SETX: variants seen among roughly 807,000 people sequenced by gnomAD.
SETX encodes helicase senataxin.
SETX carries 90 observed loss-of-function variants against 227.2 expected under a neutral mutation model. The observed-to-expected ratio is 0.40, with a 90% confidence interval of 0.33 to 0.47. The LOEUF is 0.47. Among genes scored for constraint, SETX ranks in the 20% least tolerant of loss-of-function variants. SETX has a pLI of 0.91. For missense variants in SETX, 3,052 were observed against 3,181.5 expected (o/e 0.96, Z 0.98); for synonymous variants, 1,210 against 1,113.2 (o/e 1.09, Z -1.73).
intron 3 of SETX, among the ~76,000 whole-genome samples, chr9:132,346,897 G>T (rs1184354281): frequency 6.6e-6 from 1 of 152,100 alleles, no homozygotes; most frequent in East Asian, 1.9e-4. Flanking sequence ...TGAAGCTACA[G>T]TGAGCTATGA....
chr9:132,274,598 C>T (rs1464297757), intron 23 of SETX, among the ~76,000 whole-genome samples: 1 of 151,756 alleles, frequency 6.6e-6, no homozygotes, highest in Non-Finnish European at 1.5e-5. Flanking sequence ...CGCGCCACCA[C>T]GCCTGGCTAA....
rs548433078 is a variant in SETX, at chr9:132,329,928, C to T, written c.1670G>A (p.Arg557Gln). 7.4e-6 allele frequency: 12 copies of T among 1,614,164 alleles called. No individual in the cohort carries two copies. Among genetic ancestry groups the T allele is most frequent in the East Asian group, 6.7e-5 (3 of 44,894 alleles). The part of the protein sequence containing the change: ...YQLGQQSLCK[R>Q]FWDKLNLFLR... ...GAATAAGTTGAGCTTATCCCAGAAT[C>T]GCTTGCAAAGAGACTGCTGCCCAAG... The change falls in exon 10 of 26, where the codon CGA becomes CAA. Residue 557 changes from arginine to glutamine, a missense_variant. Arg to Gln is a conservative substitution (Grantham distance 43). Coordinates refer to ENST00000224140, the MANE Select transcript of SETX (RefSeq NM_015046.7).
chr9:132,308,766 A>G (rs750219542), intron 11 of SETX, among the ~76,000 whole-genome samples: 1 of 152,226 alleles, frequency 6.6e-6, no homozygotes, highest in East Asian at 1.9e-4. Flanking sequence ...AAAGTTGTCA[A>G]TTCTTCCCAA....
intron 2 of SETX, 103 bp from the exon 3 acceptor site, chr9:132,349,538 A>C (rs1848497113): frequency 4.1e-6 from 5 of 1,218,366 alleles, no homozygotes; most frequent in Non-Finnish European, 4.7e-6. Flanking sequence ...TCAATTTAAA[A>C]TGTGTCACTA....
intron 17 of SETX, among the ~76,000 whole-genome samples, chr9:132,287,643 C>T (rs1843990850): frequency 6.6e-6 from 1 of 151,722 alleles, no homozygotes; most frequent in African/African-American, 2.4e-5. Flanking sequence ...AACCATATGG[C>T]TTGCAAAGCC....
chr9:132,333,353 G>T (rs61421014), intron 7 of SETX, among the ~76,000 whole-genome samples: 7,051 of 141,514 alleles, frequency 0.05, 348 homozygotes, highest in East Asian at 0.16. Context: ...ACTCCAGCCT[G>T]GGTGAGAGAG....
intron 11 of SETX, among the ~76,000 whole-genome samples, chr9:132,302,677 A>AAG: frequency 7.6e-6 from 1 of 132,276 alleles, no homozygotes; most frequent in Non-Finnish European, 1.5e-5. Flanking sequence ...AAAAAAAAAA[A>AAG]AAGCAAAAAA....
chr9:132,290,770 CCT>C (rs910710430), intron 15 of SETX, among the ~76,000 whole-genome samples: 7 of 151,896 alleles, frequency 4.6e-5, no homozygotes, highest in Admixed American at 3.3e-4. Flanking sequence ...GTGGCCTCCC[CCT>C]GTGGTCCCAG....
Position 132,327,338 on chromosome 9 carries a change from T to A in SETX, c.4260A>T (p.Glu1420Asp). The A allele has an allele frequency of 6.2e-7, 1 of 1,614,240 alleles. No homozygotes were observed. ...CATGTTTTGCTTTTATGGTTTCTGG[T>A]TCAGAAGGCATGCATTTTATTAACT... is the stretch of plus-strand genomic sequence containing the variant. ...RKQLIKCMPS[E>D]PETIKAKHGS... Residue 1420 changes from glutamate to aspartate, a missense_variant, in exon 10 of 26, where the codon GAA (glutamate) becomes GAT (aspartate). Glu to Asp is a conservative substitution (Grantham distance 45). This residue lies in a region of SETX where 1,483 missense variants were observed against 1,312.0 expected (regional missense o/e 1.13). Transcript: ENST00000224140.
At chr9:132,316,178 AG>A (rs1380647812) in intron 10 of SETX, among the ~76,000 whole-genome samples, 2 of 152,230 alleles carry the variant, frequency 1.3e-5, no homozygotes, top group African/African-American at 4.8e-5. Context: ...TAGATCATAA[AG>A]GATCACAAAC....
chr9:132,349,124 A>C (rs980004183), intron 3 of SETX, 128 bp downstream of exon 3: 6 of 979,512 alleles, frequency 6.1e-6, no homozygotes, highest in Middle Eastern at 3.1e-4. Flanking sequence ...ACAAAACAAA[A>C]ACAAAAAAAA....
upstream of SETX, among the ~76,000 whole-genome samples, chr9:132,355,182 G>T (rs1444198371): frequency 6.6e-6 from 1 of 152,108 alleles, no homozygotes; most frequent in African/African-American, 2.4e-5. Flanking sequence ...GGCAGCTGGG[G>T]CCCGACCAAT....
chr9:132,304,648 G>A (rs1410683309), intron 11 of SETX, among the ~76,000 whole-genome samples: 44 of 138,874 alleles, frequency 3.2e-4, no homozygotes, highest in African/African-American at 1.0e-3. Flanking sequence ...AAAAAAAAAA[G>A]AAAGAAAGAA....
At chr9:132,283,120 A>G (rs766491428) in intron 19 of SETX, 144 bp downstream of exon 19, 145 of 1,020,664 alleles carry the variant, frequency 1.4e-4, no homozygotes, top group Non-Finnish European at 1.5e-4. Flanking sequence ...ATATTTCTAC[A>G]TAAGGGAATA....
intron 9 of SETX, 145 bp downstream of exon 9, chr9:132,330,904 TCTG>T (rs1180612526): frequency 2.9e-6 from 2 of 688,616 alleles, no homozygotes; most frequent in Non-Finnish European, 5.2e-6. Flanking sequence ...ACACAATACA[TCTG>T]CTGTTCAATG....
At position 132,298,156 on chromosome 9, in the gene SETX, A is replaced by G. The variant is rs1270059798; in HGVS notation, c.5705T>C (p.Leu1902Pro). 2 of 1,614,128 alleles carry G rather than the reference A, an allele frequency of 1.2e-6. No homozygotes were observed. The highest frequency in any genetic ancestry group is 1.7e-6 in the Non-Finnish European group (2 of 1,180,004). The change falls in exon 13 of 26, where the codon CTG becomes CCG. Residue 1902 changes from leucine to proline, a missense_variant. Around this residue, in one of 10 missense-constraint regions of SETX, gnomAD observed 239 missense variants for 272.1 expected, o/e 0.88. Transcript: ENST00000224140. ...GTTTGGATTCAGAACAGCTCTAGCCAGTTGGTTCCGACTACCCAACAGAGA... is the reference window on the plus strand; with the variant it reads ...GTTTGGATTCAGAACAGCTCTAGCCGGTTGGTTCCGACTACCCAACAGAGA... The part of the protein sequence containing the change: ...AMSLLGSRNQ[L>P]ARAVLNPNPM...
At chr9:132,268,225 C>A (rs1421065685) in intron 25 of SETX, among the ~76,000 whole-genome samples, 2 of 152,216 alleles carry the variant, frequency 1.3e-5, no homozygotes, top group East Asian at 3.8e-4. Context: ...TGAGAGGTTG[C>A]ATGCACCCTT....
At chr9:132,286,309 G>C (rs956983876) in intron 18 of SETX, 114 bp downstream of exon 18, 16 of 759,612 alleles carry the variant, frequency 2.1e-5, no homozygotes, top group Admixed American at 1.6e-4. Context: ...GACAGAGTGA[G>C]ACTCTGTCTC....
chr9:132,297,766 A>G (rs1564503567), intron 13 of SETX, among the ~76,000 whole-genome samples: 1 of 152,220 alleles, frequency 6.6e-6, no homozygotes, highest in Non-Finnish European at 1.5e-5. Flanking sequence ...CCAATTCTCC[A>G]TCAATCATTC....
Sources: gnomAD v4.1 joint callset for allele counts (sites outside exome capture counted in the v4.1 genomes callset) on GRCh38, gnomAD v4.1.1 for gene constraint, gnomAD v4.1.1 regional missense constraint, MANE v1.5 for transcripts, NCBI Gene and HGNC (gene_info 2026-07-23, HGNC 2026-07-21) for gene names.